Variants in CCDC3 observed in about 807,000 individuals in gnomAD.
CCDC3 encodes the protein coiled-coil domain containing 3, also known as coiled-coil domain-containing protein 3.
CCDC3 carries 24 observed loss-of-function variants against 21.4 expected under a neutral mutation model. The observed-to-expected ratio is 1.12, with a 90% CI of 0.81 to 1.58. The LOEUF (loss-of-function observed/expected upper bound fraction) is 1.58. CCDC3 is among the 40% of genes most tolerant of loss of function. CCDC3 has a pLI of 0.00. For synonymous variants in CCDC3, 186 were observed against 166.0 expected (o/e 1.12, Z -0.93); for missense variants, 425 against 360.9 (o/e 1.18, Z -1.44).
intron 2 of CCDC3, among the ~76,000 whole-genome samples, chr10:12,902,479 T>C (rs2131194982): frequency 6.6e-6 from 1 of 152,106 alleles, no homozygotes; most frequent in African/African-American, 2.4e-5. Context: ...AAGTCATGAG[T>C]TTTCTACAAG....
intron 4 of CCDC3, among the ~76,000 whole-genome samples, chr10:13,057,601 C>T (rs528907143): frequency 2.6e-5 from 4 of 151,884 alleles, no homozygotes; most frequent in South Asian, 2.1e-4. Flanking sequence ...TTGGTTTGAC[C>T]GGGCGCGGGG....
intron 3 of CCDC3, among the ~76,000 whole-genome samples, chr10:13,074,392 G>C (rs1407001944): frequency 7.8e-6 from 1 of 127,678 alleles, no homozygotes; most frequent in African/African-American, 3.0e-5. Context: ...TTCCATATTG[G>C]TCAGGCTGGT....
chr10:12,915,582 T>A (rs1414128514), intron 2 of CCDC3, among the ~76,000 whole-genome samples: 3 of 152,338 alleles, frequency 2.0e-5, no homozygotes, highest in Non-Finnish European at 1.5e-5. Context: ...TTTGCACATT[T>A]GAGGAAGTAG....
rs75860719 is a variant in CCDC3 at position 13,040,198 on chromosome 10, T to C, written c.-2+9476A>G. 2.0e-5 allele frequency among the ~76,000 whole-genome samples: 3 copies of C among 152,146 alleles called. No homozygotes were observed. In the East Asian group the frequency reaches 5.8e-4, roughly 29 times the overall value. On this transcript the variant is annotated intron_variant, in intron 5 of 6. Transcript: ENST00000378839. ...CAGTGAATTAGGATGGAGGGTACCA[T>C]TTGCAAGTTTTTCACGATACCCAGA... is the stretch of plus-strand genomic sequence containing the variant.
At chr10:12,932,668 T>C (rs1027669617) in intron 2 of CCDC3, among the ~76,000 whole-genome samples, 1 of 152,230 alleles carries the variant, frequency 6.6e-6, no homozygotes, top group African/African-American at 2.4e-5. Flanking sequence ...TCTTGTCTTG[T>C]ATTAGCTACA....
intron 5 of CCDC3, among the ~76,000 whole-genome samples, chr10:13,047,856 C>T (rs553732883): frequency 2.6e-5 from 4 of 152,248 alleles, no homozygotes; most frequent in Non-Finnish European, 5.9e-5. Flanking sequence ...GTTAGGGACG[C>T]GCCGGAAGAA....
At chr10:12,947,668 A>C (rs1380584141) in intron 2 of CCDC3, among the ~76,000 whole-genome samples, 2 of 152,234 alleles carry the variant, frequency 1.3e-5, no homozygotes, top group African/African-American at 4.8e-5. Flanking sequence ...GGAGCTGGAC[A>C]AACAGGAGAT....
chr10:12,902,333 GAGA>G (rs1355610490), intron 2 of CCDC3, among the ~76,000 whole-genome samples: 1 of 152,178 alleles, frequency 6.6e-6, no homozygotes, highest in Non-Finnish European at 1.5e-5. Context: ...TCAAAAAGAT[GAGA>G]AGGTGGGCAT....
At chr10:12,943,402 G>A (rs1352586665) in intron 2 of CCDC3, among the ~76,000 whole-genome samples, 5 of 152,166 alleles carry the variant, frequency 3.3e-5, no homozygotes, top group African/African-American at 9.7e-5. Context: ...AGTTAGTGAG[G>A]GTATGAGAAT....
At chr10:12,909,503 G>C (rs926440780) in intron 2 of CCDC3, among the ~76,000 whole-genome samples, 1 of 152,208 alleles carries the variant, frequency 6.6e-6, no homozygotes, top group Non-Finnish European at 1.5e-5. Context: ...TCCCCCATCA[G>C]CTCTGTAAGC....
intron 2 of CCDC3, chr10:12,924,560 G>A (rs1037612984): frequency 6.6e-6 from 1 of 152,196 alleles, no homozygotes; most frequent in Non-Finnish European, 1.5e-5. Flanking sequence ...CTCTACGAGA[G>A]GCCCAAGGTT....
intron 5 of CCDC3, among the ~76,000 whole-genome samples, chr10:13,038,459 T>C (rs1326149261): frequency 6.6e-6 from 1 of 151,788 alleles, no homozygotes; most frequent in Non-Finnish European, 1.5e-5. Context: ...TAGGGCTGTG[T>C]AGCTCTGATG....
intron 2 of CCDC3, among the ~76,000 whole-genome samples, chr10:12,940,468 G>T (rs971914431): frequency 3.3e-5 from 5 of 152,146 alleles, no homozygotes; most frequent in Non-Finnish European, 7.4e-5. Context: ...AAGGGTTAGG[G>T]TGGTTCCCTA....
chr10:13,013,235 A>G (rs1836004955), intron 5 of CCDC3, among the ~76,000 whole-genome samples: 1 of 152,220 alleles, frequency 6.6e-6, no homozygotes, highest in Non-Finnish European at 1.5e-5. Flanking sequence ...ATCATTCTCC[A>G]TTAAAAAGAA....
At chr10:13,085,966 TAAAA>T (rs60901983) in intron 3 of CCDC3, among the ~76,000 whole-genome samples, 1 of 138,418 alleles carries the variant, frequency 7.2e-6, no homozygotes. Context: ...GACTCCCTCT[TAAAA>T]AAAAAAAAAA....
At chr10:13,004,143 T>C (rs1262159531), upstream of CCDC3, among the ~76,000 whole-genome samples, 4 of 152,214 alleles carry the variant, frequency 2.6e-5, no homozygotes, top group Admixed American at 2.0e-4. Context: ...CCGAGACCTA[T>C]ATGTCCTGGC....
upstream of CCDC3, among the ~76,000 whole-genome samples, chr10:13,006,043 A>G (rs940062422): frequency 6.6e-6 from 1 of 152,082 alleles, no homozygotes; most frequent in African/African-American, 2.4e-5. Context: ...CCCACCTTAT[A>G]TCTTACCAAG....
intron 2 of CCDC3, among the ~76,000 whole-genome samples, chr10:12,957,325 T>G (rs74119646): frequency 1.1e-3 from 160 of 152,340 alleles, no homozygotes; most frequent in African/African-American, 3.8e-3. Context: ...TACCGAAGCC[T>G]CTCTCCTGCA....
upstream of CCDC3, among the ~76,000 whole-genome samples, chr10:13,005,153 T>A (rs1835911707): frequency 6.6e-6 from 1 of 152,224 alleles, no homozygotes; most frequent in Non-Finnish European, 1.5e-5. Context: ...TTCTATCGAC[T>A]GGGAGAATTT....
Sources: allele counts gnomAD v4.1 joint callset (sites outside exome capture counted in the v4.1 genomes callset), GRCh38; gene constraint gnomAD v4.1.1; transcripts MANE v1.5; gene names NCBI Gene and HGNC (gene_info 2026-07-23, HGNC 2026-07-21).